The following ZNF3 variants were observed in gnomAD, a reference collection of about 807,000 sequenced individuals.
ZNF3 encodes zinc finger protein 3.
A neutral mutation model predicts 36.9 loss-of-function variants in ZNF3; 16 were observed. The ratio of observed to expected loss-of-function variants is 0.43; its 90% CI spans 0.29 to 0.66. ZNF3 has a LOEUF of 0.66. Ranked by LOEUF, ZNF3 falls within the 30% of genes least tolerant of loss-of-function variation. The pLI, the probability that ZNF3 is intolerant of heterozygous loss-of-function variation, is 0.13. For synonymous variants in ZNF3, 201 were observed against 201.9 expected (o/e 1.00, Z 0.04); for missense variants, 462 against 543.1 (o/e 0.85, Z 1.48).
At chr7:100,069,676 C>T (rs932177341), downstream of ZNF3, among the ~76,000 whole-genome samples, 1 of 151,480 alleles carries the variant, frequency 6.6e-6, no homozygotes, top group African/African-American at 2.4e-5. Context: ...TTCAATGGCG[C>T]GATCTCAGCT....
At chr7:100,064,177 T>C in exon 6 of ZNF3, 2 of 1,613,140 alleles carry the variant, frequency 1.2e-6, no homozygotes, top group Non-Finnish European at 1.7e-6. Context: ...CAGAACACAC[T>C]TGGTGGACCG....
intron 3 of ZNF3, among the ~76,000 whole-genome samples, chr7:100,076,395 C>A (rs2116396737): frequency 6.6e-6 from 1 of 151,494 alleles, no homozygotes. Context: ...CGGGTTCAAG[C>A]AATTCTCCTG....
intron 1 of ZNF3, among the ~76,000 whole-genome samples, chr7:100,079,924 A>G (rs1794728655): frequency 6.6e-6 from 1 of 152,100 alleles, no homozygotes. Context: ...GCTGGTCTCA[A>G]TCTCCTGGCC....
At position 100,071,921 on chromosome 7, in the gene ZNF3, A is replaced by G. The variant is rs1793225130; in HGVS notation, c.563T>C (p.Ile188Thr). 6.2e-7 allele frequency: 1 copy of G among 1,614,224 alleles called. No homozygotes were observed. Among genetic ancestry groups the G allele is most frequent in the Non-Finnish European group, 8.5e-7 (1 of 1,180,044 alleles). The change falls in exon 6 of 6, where the codon ATC (isoleucine) becomes ACC (threonine). Residue 188 changes from isoleucine to threonine, a missense_variant. By Grantham distance (89) the Ile-to-Thr change is moderately conservative. Transcript: ENST00000299667. Reference sequence around the variant, plus strand: ...TCCCACGGGGAGTCTCTGATGTGAGATAAGGTTGGAATTCACAGTGAAGCT... The same window carrying G: ...TCCCACGGGGAGTCTCTGATGTGAGGTAAGGTTGGAATTCACAGTGAAGCT... ...GNSFTVNSNL[I>T]SHQRLPVGDR...
chr7:100,068,982 G>A (rs1792786182), downstream of ZNF3, among the ~76,000 whole-genome samples: 3 of 150,908 alleles, frequency 2.0e-5, no homozygotes, highest in South Asian at 2.1e-4. Flanking sequence ...ACACCTGGCT[G>A]ATATATATAT....
intron 3 of ZNF3, among the ~76,000 whole-genome samples, chr7:100,076,144 T>G (rs1794070497): frequency 1.3e-5 from 2 of 151,670 alleles, no homozygotes; most frequent in African/African-American, 4.8e-5. Flanking sequence ...AGCATGAAGT[T>G]CTTAGACCAG....
chr7:100,064,652 A>G lies in ZNF3; in HGVS notation c.*136T>C, dbSNP rs199562888. ...GCTCCTGTTGTTGTCGTTGTTTTAA[A>G]CTTTAGAATCTGAAAACCAGAAAGA... On this transcript the variant is annotated 3_prime_UTR_variant, in exon 6 of 6. Transcript: ENST00000413658. 5.0e-6 allele frequency: 8 copies of G among 1,603,486 alleles called. No homozygotes were observed. The East Asian group carries it at 1.8e-4, about 36-fold the overall frequency.
chr7:100,075,815 G>A lies in ZNF3; in HGVS notation c.56-185C>T, dbSNP rs569804541. Among the ~76,000 whole-genome samples the A allele has an allele frequency of 7.2e-5, 11 of 152,200 alleles. No homozygotes were observed. The East Asian group carries it at 7.7e-4, about 11-fold the overall frequency. On this transcript the variant is annotated intron_variant, in intron 3 of 5. Transcript: ENST00000299667. ...TGTCCAACAAAGGCAAACTCAGAGC[G>A]AGTCCATCCTGCCTGAGCAGATGGC...
intron 5 of ZNF3, 53 bp downstream of exon 5, chr7:100,075,082 C>G: frequency 6.5e-7 from 1 of 1,538,730 alleles, no homozygotes; most frequent in Non-Finnish European, 8.7e-7. Context: ...TACTAGCAAA[C>G]GAAGAAGCAA....
chr7:100,075,056 T>G (rs953493765), intron 5 of ZNF3, 79 bp downstream of exon 5: 7 of 1,512,934 alleles, frequency 4.6e-6, no homozygotes, highest in Non-Finnish European at 6.2e-6. Context: ...ACAGCTCTTT[T>G]CAGTGACTAG....
At chr7:100,067,376 T>C (rs976813623), downstream of ZNF3, among the ~76,000 whole-genome samples, 1 of 152,156 alleles carries the variant, frequency 6.6e-6, no homozygotes, top group African/African-American at 2.4e-5. Context: ...CTTTCTCTGC[T>C]CATCATTTTA....
In ZNF3 at chr7:100,081,278, A is replaced by C. The variant is rs992087903; in HGVS notation, c.-198+357T>G. On this transcript the variant is annotated intron_variant, in intron 1 of 5. Transcript: ENST00000299667. The surrounding 1 kb of genome is among the most constrained non-coding windows in gnomAD (Gnocchi z 4.3). ...GGCGCGAATAACTGTGTTAACATCA[A>C]ATAAAAACGTCTGGGAGAAATACCA... 2.6e-5 allele frequency among the ~76,000 whole-genome samples: 4 copies of C among 152,230 alleles called. No homozygotes were observed. Among genetic ancestry groups the C allele is most frequent in the African/African-American group, 9.6e-5 (4 of 41,468 alleles).
chr7:100,066,864 G>A (rs1485600373), downstream of ZNF3, among the ~76,000 whole-genome samples: 2 of 151,550 alleles, frequency 1.3e-5, no homozygotes, highest in Non-Finnish European at 2.9e-5. Context: ...GTGAGACCCT[G>A]TCTCTACTAA....
In ZNF3 at chr7:100,071,009, T is replaced by C; in HGVS notation, c.*134A>G. 1 of 1,471,330 alleles carries C rather than the reference T, an allele frequency of 6.8e-7. No individual in the cohort carries two copies. Among genetic ancestry groups the C allele is most frequent in the Non-Finnish European group, 9.0e-7 (1 of 1,115,688 alleles). The allele number at this position is 1,471,330 out of a possible 1,614,324, so 91.1% of individuals were successfully genotyped here. On this transcript the variant is annotated 3_prime_UTR_variant, in exon 6 of 6. Transcript: ENST00000299667. ...TGATTTCTGGGAAAATTCAACGATT[T>C]GCCCCATCTGCCCCATTCTCTAAAA...
downstream of ZNF3, among the ~76,000 whole-genome samples, chr7:100,066,518 C>T (rs1792657295): frequency 6.7e-6 from 1 of 149,960 alleles, no homozygotes; most frequent in Admixed American, 6.7e-5. Flanking sequence ...ATCACGAGGT[C>T]AGGAGATTGA....
downstream of ZNF3, among the ~76,000 whole-genome samples, chr7:100,065,754 G>A (rs1322442704): frequency 6.6e-6 from 1 of 151,166 alleles, no homozygotes; most frequent in African/African-American, 2.4e-5. Context: ...ACAATGTGCT[G>A]GGCATCTGTC....
Position 100,071,179 on chromosome 7 carries a change from T to G in ZNF3, c.1305A>C (p.Arg435Ser). 2 of 1,608,824 alleles carry G rather than the reference T, an allele frequency of 1.2e-6. No individual in the cohort carries two copies. The highest frequency in any genetic ancestry group is 1.7e-6 in the Non-Finnish European group (2 of 1,176,950). The change falls in exon 6 of 6, where the codon AGA becomes AGC. Residue 435 changes from arginine (R) to serine (S), a missense_variant. Coordinates refer to ENST00000299667, the MANE Select transcript of ZNF3 (RefSeq NM_032924.5). Reference sequence around the variant, plus strand: ...CTCTGATATTTAACTCGGTCGTAACTCTGAGGGAGCTTTTGCTCATGCCGA... The same window carrying G: ...CTCTGATATTTAACTCGGTCGTAACGCTGAGGGAGCTTTTGCTCATGCCGA... ...NGIGMSKSSL[R>S]VTTELNIRES...
At chr7:100,079,785 A>C (rs1794705611) in intron 1 of ZNF3, 129 bp from the exon 2 acceptor site, 1 of 152,040 alleles carries the variant, frequency 6.6e-6, no homozygotes, top group African/African-American at 2.4e-5. Context: ...CCAGACTCAA[A>C]CTCCTAAGTT....
In ZNF3 at chr7:100,070,819, G is replaced by A. The variant is rs1044181562; in HGVS notation, c.*324C>T. 1.3e-5 allele frequency: 14 copies of A among 1,097,906 alleles called. No individual in the cohort carries two copies. The highest frequency in any genetic ancestry group is 9.3e-5 in the Admixed American group (2 of 21,508). The allele number at this position is 1,097,906 out of a possible 1,614,324, so 68.0% of individuals were successfully genotyped here. A position where few individuals can be genotyped will look rare whatever the true frequency, so the allele number is the denominator to read the frequency against. On this transcript the variant is annotated 3_prime_UTR_variant, in exon 6 of 6. Transcript: ENST00000299667. ...CGGACTCCAACTAAAGGAATCCATC[G>A]AATTCTGTCCCGACTGTGCTTCCAT... is the stretch of plus-strand genomic sequence containing the variant.
Sources: gnomAD v4.1 joint callset for allele counts (sites outside exome capture counted in the v4.1 genomes callset) on GRCh38, gnomAD v4.1.1 for gene constraint, Gnocchi (gnomAD v3.1) non-coding constraint, MANE v1.5 for transcripts, NCBI Gene and HGNC (gene_info 2026-07-23, HGNC 2026-07-21) for gene names.